The following HS2ST1 variants were observed in gnomAD, a reference collection of about 807,000 sequenced individuals.
HS2ST1 encodes the protein heparan sulfate 2-O-sulfotransferase 1.
HS2ST1 carries 18 observed loss-of-function variants against 42.9 expected under a neutral mutation model. The ratio of observed to expected loss-of-function variants is 0.42; its 90% CI spans 0.29 to 0.62. HS2ST1 has a LOEUF of 0.62. HS2ST1 is among the 20% of genes least tolerant of loss of function. The probability of loss-of-function intolerance (pLI) is 0.21; values close to 1 mark genes in which losing one functional copy is unlikely to be tolerated. For synonymous variants in HS2ST1, 146 were observed against 152.9 expected (o/e 0.95, Z 0.33); for missense variants, 334 against 433.8 (o/e 0.77, Z 2.04).
chr1:87,032,728 A>G (rs750407634), intron 1 of HS2ST1, among the ~76,000 whole-genome samples: 2 of 152,092 alleles, frequency 1.3e-5, no homozygotes, highest in Admixed American at 6.5e-5. Context: ...GTAAAAATGC[A>G]TTGTTCTTTT....
At chr1:87,009,722 CT>C (rs1291527975) in intron 1 of HS2ST1, among the ~76,000 whole-genome samples, 3 of 151,970 alleles carry the variant, frequency 2.0e-5, no homozygotes, top group Non-Finnish European at 2.9e-5. Flanking sequence ...ATAGCAGGAC[CT>C]GTGTCATGGC....
At chr1:86,987,129 G>GC (rs1648811189) in intron 1 of HS2ST1, among the ~76,000 whole-genome samples, 1 of 148,856 alleles carries the variant, frequency 6.7e-6, no homozygotes, top group Non-Finnish European at 1.5e-5. Context: ...GAGTGCAGTG[G>GC]CATGATCTTG....
intron 1 of HS2ST1, among the ~76,000 whole-genome samples, chr1:86,963,375 C>T (rs1415982835): frequency 4.6e-5 from 7 of 152,002 alleles, no homozygotes; most frequent in South Asian, 2.1e-4. Flanking sequence ...AGGAGCATGC[C>T]GCCTTCAAGC....
Position 86,915,142 on chromosome 1 carries a change from G to A in HS2ST1, c.106G>A (p.Glu36Lys), listed in dbSNP as rs769864274. ...GGAAAACCAGATCCAGAAACTGGAG[G>A]AGTCCCGCTCGAAGCTAGGTGAGGA... ...FLENQIQKLEESRSKLERAIA... is the reference protein window; with the variant it reads ...FLENQIQKLEKSRSKLERAIA... The change falls in exon 1 of 7, where the codon GAG becomes AAG. Residue 36 changes from glutamate to lysine, a missense_variant. Coordinates refer to ENST00000370550, the MANE Select transcript of HS2ST1 (RefSeq NM_012262.4). 2 of 1,613,978 alleles carry A rather than the reference G, an allele frequency of 1.2e-6. No homozygotes were observed. The highest frequency in any genetic ancestry group is 1.7e-6 in the Non-Finnish European group (2 of 1,179,888).
At chr1:86,948,565 GT>G (rs577238962) in intron 1 of HS2ST1, among the ~76,000 whole-genome samples, 116 of 152,212 alleles carry the variant, frequency 7.6e-4, no homozygotes, top group African/African-American at 2.6e-3. Context: ...ATTGTGGTTT[GT>G]TTTTCACCTG....
At chr1:87,000,561 C>T (rs899552388) in intron 1 of HS2ST1, among the ~76,000 whole-genome samples, 1 of 152,156 alleles carries the variant, frequency 6.6e-6, no homozygotes, top group African/African-American at 2.4e-5. Flanking sequence ...ATAGTTTTAA[C>T]GCAAAAGACT....
chr1:86,929,289 G>A lies in HS2ST1; in HGVS notation c.124+14129G>A, dbSNP rs566920329. Among the ~76,000 whole-genome samples, 6 of 151,898 alleles carry A rather than the reference G, an allele frequency of 4.0e-5. No homozygotes were observed. In the South Asian group the frequency reaches 1.2e-3, roughly 31 times the overall value. ...TCTACAGCCTACATTTTTTGGTGCT[G>A]TAGTTTTTCCCAGTGCCTCATCTCA... On this transcript the variant is annotated intron_variant, in intron 1 of 6. Transcript: ENST00000370550.
chr1:86,990,414 T>C (rs1001248034), intron 1 of HS2ST1, among the ~76,000 whole-genome samples: 1 of 152,132 alleles, frequency 6.6e-6, no homozygotes, highest in Non-Finnish European at 1.5e-5. Context: ...TTACGTTGAA[T>C]CTTGGTTTTG....
At chr1:87,090,783 G>T (rs917352280) in intron 3 of HS2ST1, among the ~76,000 whole-genome samples, 2 of 151,848 alleles carry the variant, frequency 1.3e-5, no homozygotes, top group Non-Finnish European at 2.9e-5. Flanking sequence ...TATCTTCCAT[G>T]GTATTCCCTT....
At chr1:87,002,700 T>A (rs556646472) in intron 1 of HS2ST1, among the ~76,000 whole-genome samples, 1 of 152,300 alleles carries the variant, frequency 6.6e-6, no homozygotes, top group South Asian at 2.1e-4. Context: ...AAGTCTATTT[T>A]TTTCATTGCC....
chr1:86,983,476 G>A (rs919361747), intron 1 of HS2ST1, among the ~76,000 whole-genome samples: 2 of 152,078 alleles, frequency 1.3e-5, no homozygotes, highest in Non-Finnish European at 2.9e-5. Context: ...TCACTATCAC[G>A]AGAACAGCAT....
chr1:87,014,789 G>A (rs934070427), intron 1 of HS2ST1, among the ~76,000 whole-genome samples: 3 of 152,104 alleles, frequency 2.0e-5, no homozygotes, highest in South Asian at 2.1e-4. Context: ...CCTTTGACTC[G>A]TGTCACTCTT....
intron 1 of HS2ST1, among the ~76,000 whole-genome samples, chr1:87,065,047 C>T (rs1557533581): frequency 6.6e-6 from 1 of 152,224 alleles, no homozygotes; most frequent in Admixed American, 6.5e-5. Flanking sequence ...CAAAACATTA[C>T]TTCCATGAGG....
chr1:87,055,083 A>G (rs1650927181), intron 1 of HS2ST1, among the ~76,000 whole-genome samples: 1 of 152,130 alleles, frequency 6.6e-6, no homozygotes, highest in African/African-American at 2.4e-5. Context: ...GCCACATTAC[A>G]TTCTAATCCA....
chr1:86,977,535 T>C (rs1391506243), intron 1 of HS2ST1, among the ~76,000 whole-genome samples: 2 of 152,250 alleles, frequency 1.3e-5, no homozygotes, highest in African/African-American at 4.8e-5. Context: ...TGACATTTAC[T>C]GAGACAAAAT....
At chr1:86,940,134 T>G (rs1367166131) in intron 1 of HS2ST1, among the ~76,000 whole-genome samples, 1 of 151,872 alleles carries the variant, frequency 6.6e-6, no homozygotes, top group Non-Finnish European at 1.5e-5. Context: ...GAGGCCAAGG[T>G]GGGAGGACTG....
intron 1 of HS2ST1, among the ~76,000 whole-genome samples, chr1:87,010,174 G>A (rs957380933): frequency 1.3e-5 from 2 of 152,164 alleles, no homozygotes; most frequent in Admixed American, 1.3e-4. Context: ...AACAGGCTCA[G>A]TAAGGGAAAG....
chr1:86,915,121 A>C lies in HS2ST1; in HGVS notation c.85A>C (p.Asn29His), dbSNP rs777782100. 5 of 1,613,796 alleles carry C rather than the reference A, an allele frequency of 3.1e-6. No individual in the cohort carries two copies. The highest frequency in any genetic ancestry group is 3.4e-6 in the Non-Finnish European group (4 of 1,179,956). ...CGCGGTGGCGATGCTCTTCTTGGAA[A>C]ACCAGATCCAGAAACTGGAGGAGTC... ...AFAVAMLFLE[N>H]QIQKLEESRS... is the part of the protein sequence containing the mutation. The change falls in exon 1 of 7, where the codon AAC (asparagine) becomes CAC (histidine). Residue 29 changes from asparagine to histidine, a missense_variant. Coordinates refer to ENST00000370550, the MANE Select transcript of HS2ST1 (RefSeq NM_012262.4).
At chr1:87,090,547 G>A (rs893428374) in intron 3 of HS2ST1, among the ~76,000 whole-genome samples, 2 of 151,980 alleles carry the variant, frequency 1.3e-5, no homozygotes, top group African/African-American at 4.8e-5. Context: ...AAAGCACATA[G>A]AACTGTATGC....
Sources: gnomAD v4.1 joint callset for allele counts (sites outside exome capture counted in the v4.1 genomes callset) on GRCh38, gnomAD v4.1.1 for gene constraint, MANE v1.5 for transcripts, NCBI Gene and HGNC (gene_info 2026-07-23, HGNC 2026-07-21) for gene names.